ATP9A: variants seen among roughly 807,000 people sequenced by gnomAD.
The protein encoded by ATP9A is probable phospholipid-transporting ATPase IIA.
Under a neutral mutation model 144.1 loss-of-function variants are expected in ATP9A, and 52 were observed. That is an observed-to-expected ratio of 0.36 (90% CI 0.29 to 0.45). ATP9A has a LOEUF of 0.45. Ranked by LOEUF, ATP9A falls within the 20% of genes least tolerant of loss-of-function variation. The pLI is 1.00. For synonymous variants in ATP9A, 582 were observed against 557.4 expected (o/e 1.04, Z -0.62); for missense variants, 947 against 1,392.7 (o/e 0.68, Z 5.09).
At position 51,745,350 on chromosome 20, in the gene ATP9A, G is replaced by A. The variant is rs183438418; in HGVS notation, c.69-15372C>T. ...TTGGGGAGACTGAGGCAGGAGAATC[G>A]CTTGAACCCAGGAGGAAGAAGTTAT... is the stretch of plus-strand genomic sequence containing the variant. On this transcript the variant is annotated intron_variant, in intron 1 of 27. Transcript: ENST00000338821. 9.2e-5 allele frequency among the ~76,000 whole-genome samples: 14 copies of A among 151,440 alleles called. No homozygotes were observed. In the East Asian group the frequency reaches 2.3e-3, roughly 25 times the overall value.
chr20:51,713,184 C>G (rs2077647539), intron 3 of ATP9A, 110 bp from the exon 4 acceptor site: 1 of 882,324 alleles, frequency 1.1e-6, no homozygotes, highest in Non-Finnish European at 1.8e-6. Context: ...CTTGGGAGGG[C>G]AGGGGGGCAG....
At chr20:51,693,174 C>G (rs943080946) in intron 7 of ATP9A, among the ~76,000 whole-genome samples, 1 of 152,204 alleles carries the variant, frequency 6.6e-6, no homozygotes, top group Admixed American at 6.5e-5. Flanking sequence ...AGAACCCACC[C>G]GCAGGGATGC....
At chr20:51,610,354 C>CATTCTCATT (rs1468793810) in intron 23 of ATP9A, among the ~76,000 whole-genome samples, 189 bp from the exon 24 acceptor site, 2 of 152,164 alleles carry the variant, frequency 1.3e-5, no homozygotes, top group African/African-American at 4.8e-5. Context: ...CGATTCTCAT[C>CATTCTCATT]ATCCTCATTA....
chr20:51,684,872 G>A (rs992532972), intron 9 of ATP9A, among the ~76,000 whole-genome samples: 8 of 150,614 alleles, frequency 5.3e-5, no homozygotes, highest in African/African-American at 1.2e-4. Context: ...TTAGCCTGGC[G>A]TAGTGGCAGG....
At chr20:51,657,362 G>GA (rs1195122380) in intron 13 of ATP9A, among the ~76,000 whole-genome samples, 8 of 151,748 alleles carry the variant, frequency 5.3e-5, no homozygotes, top group East Asian at 1.9e-4. Flanking sequence ...AGAGACAGAG[G>GA]AAAAAAAATA....
intron 14 of ATP9A, among the ~76,000 whole-genome samples, chr20:51,641,509 C>T (rs373987076): frequency 1.1e-4 from 16 of 151,598 alleles, no homozygotes; most frequent in African/African-American, 3.4e-4. Context: ...AGAGTAAGAC[C>T]CTGTCTCAAA....
intron 3 of ATP9A, among the ~76,000 whole-genome samples, chr20:51,717,221 G>A (rs1053719155): frequency 8.8e-5 from 13 of 147,548 alleles, no homozygotes; most frequent in Non-Finnish European, 1.5e-4. Context: ...TGGCTCCACA[G>A]CCCTCATTCA....
intron 27 of ATP9A, among the ~76,000 whole-genome samples, chr20:51,604,340 C>A (rs1275302163): frequency 6.6e-6 from 1 of 152,132 alleles, no homozygotes; most frequent in East Asian, 1.9e-4. Context: ...TGAGGAGCAG[C>A]AGATTGTATT....
Position 51,670,917 on chromosome 20 carries a change from T to C in ATP9A, c.1180+198A>G, listed in dbSNP as rs561958941. Reference sequence around the variant, plus strand: ...ACTGAAGGAGTGACCGCACTGAAACTCCCCAGAATTGTATTCTGCACATAA... The same window carrying C: ...ACTGAAGGAGTGACCGCACTGAAACCCCCCAGAATTGTATTCTGCACATAA... On this transcript the variant is annotated intron_variant, in intron 12 of 27. Coordinates refer to ENST00000338821, the MANE Select transcript of ATP9A (RefSeq NM_006045.3). Among the ~76,000 whole-genome samples, 68 of 152,216 alleles carry C rather than the reference T, an allele frequency of 4.5e-4. 2 individuals are homozygous for C. The South Asian group carries it at 0.013, about 28-fold the overall frequency.
chr20:51,726,957 C>T (rs928865299), intron 2 of ATP9A, among the ~76,000 whole-genome samples: 7 of 114,960 alleles, frequency 6.1e-5, no homozygotes, highest in Admixed American at 1.3e-4. Flanking sequence ...GAGGTTTTTG[C>T]GGAAAATGCT....
chr20:51,702,214 G>A (rs543850090), intron 4 of ATP9A, among the ~76,000 whole-genome samples: 55 of 150,612 alleles, frequency 3.7e-4, no homozygotes, highest in Middle Eastern at 6.8e-3. Flanking sequence ...CAGGAGAATC[G>A]CTTGAACCTG....
At chr20:51,637,372 G>T (rs2077296807) in intron 15 of ATP9A, among the ~76,000 whole-genome samples, 1 of 145,774 alleles carries the variant, frequency 6.9e-6, no homozygotes, top group Non-Finnish European at 1.5e-5. Flanking sequence ...CTTCGGCACT[G>T]ACTGTGAGTC....
chr20:51,679,609 G>T (rs1245270983), intron 9 of ATP9A, among the ~76,000 whole-genome samples: 1 of 152,056 alleles, frequency 6.6e-6, no homozygotes, highest in East Asian at 1.9e-4. Context: ...TGCTCTCAAG[G>T]TTCTCTTCAC....
At chr20:51,616,859 T>C (rs942436455) in intron 22 of ATP9A, among the ~76,000 whole-genome samples, 3 of 151,900 alleles carry the variant, frequency 2.0e-5, no homozygotes, top group African/African-American at 7.3e-5. Flanking sequence ...CAGAGCAGGA[T>C]AACTAATGCT....
Position 51,676,114 on chromosome 20 carries a change from C to T in ATP9A, c.876+18G>A. 1.2e-6 allele frequency: 2 copies of T among 1,605,154 alleles called. No homozygotes were observed. The highest frequency in any genetic ancestry group is 1.3e-5 in the African/African-American group (1 of 74,542). ...CCAGCCCACAGCCGGTCAATGTACC[C>T]CATGACCTCGTACACACCTTACTTC... On this transcript the variant is annotated intron_variant, in intron 10 of 27. Transcript: ENST00000338821.
chr20:51,696,016 C>T, intron 6 of ATP9A, 77 bp downstream of exon 6: 1 of 1,332,936 alleles, frequency 7.5e-7, no homozygotes, highest in Non-Finnish European at 1.1e-6. Context: ...TACTTTGTGA[C>T]ATTTTCAAAT....
At position 51,676,217 on chromosome 20, in the gene ATP9A, G is replaced by GAA. The variant is rs761354838; in HGVS notation, c.800-11_800-10dup. The GAA allele has an allele frequency of 1.4e-6, 2 of 1,456,126 alleles. No homozygotes were observed. The highest frequency in any genetic ancestry group is 1.8e-6 in the Non-Finnish European group (2 of 1,095,642). 90.2% of individuals were successfully genotyped at this position (1,456,126 alleles called of 1,614,324 possible). On this transcript the variant is annotated splice_polypyrimidine_tract_variant and intron_variant, in intron 9 of 27. Coordinates refer to ENST00000338821, the MANE Select transcript of ATP9A (RefSeq NM_006045.3). ...AACACCCACAACAGTACCTAAAATG[G>GAA]AAAAAAGAAAAAAAAAAAAAGAAAA...
chr20:51,693,255 G>A (rs1025514971), intron 7 of ATP9A, among the ~76,000 whole-genome samples: 10 of 152,236 alleles, frequency 6.6e-5, no homozygotes, highest in East Asian at 1.9e-4. Context: ...AAGGAGAATC[G>A]TGAGCAAAAG....
chr20:51,642,138 GTTTT>G (rs1179774596), intron 14 of ATP9A, among the ~76,000 whole-genome samples: 1 of 150,724 alleles, frequency 6.6e-6, no homozygotes, highest in Non-Finnish European at 1.5e-5. Flanking sequence ...CTGTGCATCT[GTTTT>G]TTTTTGTTTG....
Sources: gnomAD v4.1 joint callset for allele counts (sites outside exome capture counted in the v4.1 genomes callset) on GRCh38, gnomAD v4.1.1 for gene constraint, MANE v1.5 for transcripts, NCBI Gene and HGNC (gene_info 2026-07-23, HGNC 2026-07-21) for gene names.